The following ATP11A variants were observed in gnomAD, a reference collection of about 807,000 sequenced individuals.
ATP11A encodes phospholipid-transporting ATPase IH.
In ATP11A, 81 loss-of-function variants were observed where a neutral mutation model predicts 154.4. That is an observed-to-expected ratio of 0.52 (90% confidence interval 0.44 to 0.63). The LOEUF (loss-of-function observed/expected upper bound fraction) is 0.63. Among genes scored for constraint, ATP11A ranks in the 30% least tolerant of loss-of-function variants. The probability of loss-of-function intolerance (pLI) is 0.00; values close to 1 mark genes in which losing one functional copy is unlikely to be tolerated. For missense variants in ATP11A, 1,316 were observed against 1,474.3 expected (o/e 0.89, Z 1.76); for synonymous variants, 623 against 585.9 (o/e 1.06, Z -0.91).
At chr13:112,721,666 T>C (rs774172971) in intron 1 of ATP11A, among the ~76,000 whole-genome samples, 8 of 152,196 alleles carry the variant, frequency 5.3e-5, no homozygotes, top group Non-Finnish European at 1.2e-4. Flanking sequence ...CCGGGGTCAG[T>C]TGTGGGACGC....
intron 17 of ATP11A, among the ~76,000 whole-genome samples, chr13:112,847,257 T>C (rs2079635946): frequency 6.6e-6 from 1 of 152,238 alleles, no homozygotes; most frequent in African/African-American, 2.4e-5. Context: ...CAGAGGGGCC[T>C]GTGTGTCCTT....
rs918466606 is a variant in ATP11A, at chr13:112,697,214, TC to T, written c.39+6763del. ...TGGGCTCCGGTGCTGGCCTCTGCCT[TC>T]CCCAGGGCCACGGTGGGCTCCTAGT... On this transcript the variant is annotated intron_variant, in intron 1 of 29. Coordinates refer to ENST00000375645, the MANE Select transcript of ATP11A (RefSeq NM_015205.3). This position sits in a 1 kb window ranked among gnomAD's most constrained non-coding sequence, Gnocchi z 4.0. Among the ~76,000 whole-genome samples, 1 of 152,118 alleles carries T rather than the reference TC, an allele frequency of 6.6e-6. No homozygotes were observed. The highest frequency in any genetic ancestry group is 2.4e-5 in the African/African-American group (1 of 41,418).
At chr13:112,832,690 T>C (rs2079127447) in intron 13 of ATP11A, among the ~76,000 whole-genome samples, 170 bp from the exon 14 acceptor site, 1 of 152,162 alleles carries the variant, frequency 6.6e-6, no homozygotes. Context: ...TTGAGAACGA[T>C]GGAAAGCTGT....
At chr13:112,715,669 T>TA (rs1343512499) in intron 1 of ATP11A, among the ~76,000 whole-genome samples, 2 of 148,900 alleles carry the variant, frequency 1.3e-5, no homozygotes, top group Non-Finnish European at 3.0e-5. Flanking sequence ...ATTAAAATCT[T>TA]ACTTTCTCTG....
intron 1 of ATP11A, among the ~76,000 whole-genome samples, chr13:112,693,641 C>T (rs563553539): frequency 7.8e-4 from 119 of 152,094 alleles, no homozygotes; most frequent in African/African-American, 2.8e-3. Context: ...GTTTGACCTC[C>T]ATGACGTAAC....
In ATP11A at chr13:112,826,712, G is replaced by A. The variant is rs2078943536; in HGVS notation, c.1042G>A (p.Asp348Asn). 3 of 1,614,082 alleles carry A rather than the reference G, an allele frequency of 1.9e-6. No individual in the cohort carries two copies. Among genetic ancestry groups the A allele is most frequent in the Non-Finnish European group, 2.5e-6 (3 of 1,180,054 alleles). ...CTTGCAGTTCCTCAAGGCATTCACG[G>A]ACTTCCTGGCCTTCATGGTCCTCTT... ...QRNLFLKAFTDFLAFMVLFNY... is the reference protein window; with the variant it reads ...QRNLFLKAFTNFLAFMVLFNY... Residue 348 changes from aspartate to asparagine, a missense_variant, in exon 12 of 30, where the codon GAC becomes AAC. This residue lies in a region of ATP11A where 876 missense variants were observed against 1,006.8 expected (regional missense o/e 0.87). Coordinates refer to ENST00000375645, the MANE Select transcript of ATP11A (RefSeq NM_015205.3).
chr13:112,869,791 G>A (rs1031101136), intron 25 of ATP11A, among the ~76,000 whole-genome samples: 2 of 152,250 alleles, frequency 1.3e-5, no homozygotes, highest in Admixed American at 6.5e-5. Context: ...ACATGTGCTT[G>A]TAGGCTGCTG....
intron 28 of ATP11A, among the ~76,000 whole-genome samples, chr13:112,877,895 C>T (rs2080777095): frequency 6.6e-6 from 1 of 152,182 alleles, no homozygotes; most frequent in South Asian, 2.1e-4. Flanking sequence ...CCGTCCCACC[C>T]TTTGTTTAGA....
At chr13:112,693,647 G>T (rs747616305) in intron 1 of ATP11A, among the ~76,000 whole-genome samples, 1 of 152,012 alleles carries the variant, frequency 6.6e-6, no homozygotes, top group African/African-American at 2.4e-5. Flanking sequence ...CCTCCATGAC[G>T]TAACACTTTA....
chr13:112,868,202 G>A (rs2080400154), intron 25 of ATP11A, among the ~76,000 whole-genome samples: 1 of 152,244 alleles, frequency 6.6e-6, no homozygotes, highest in South Asian at 2.1e-4. Flanking sequence ...GATGCGATGA[G>A]AGCAGCTGAA....
In ATP11A at chr13:112,730,904, A is replaced by G. The variant is rs75623003; in HGVS notation, c.39+40449A>G. On this transcript the variant is annotated intron_variant, in intron 1 of 29. Coordinates refer to ENST00000375645, the MANE Select transcript of ATP11A (RefSeq NM_015205.3). ...GTGTGTCTTCGGGCAGCACTTTCTC[A>G]TGGGACAGGTGTTCTTTCCGTAGAC... Among the ~76,000 whole-genome samples, 589 of 152,226 alleles carry G rather than the reference A, an allele frequency of 3.9e-3. 3 individuals are homozygous for G. The highest frequency in any genetic ancestry group is 0.013 in the African/African-American group (554 of 41,516).
intron 1 of ATP11A, among the ~76,000 whole-genome samples, chr13:112,694,387 T>C (rs1458387083): frequency 6.6e-6 from 1 of 152,198 alleles, no homozygotes; most frequent in East Asian, 1.9e-4. Flanking sequence ...CCAGTGCTGC[T>C]GCTCAGCTAC....
intron 16 of ATP11A, among the ~76,000 whole-genome samples, chr13:112,837,126 C>G (rs375395866): frequency 2.0e-5 from 3 of 152,190 alleles, no homozygotes; most frequent in Admixed American, 2.0e-4. Context: ...AGGCAGGGCC[C>G]GTGGGCTCCG....
intron 24 of ATP11A, among the ~76,000 whole-genome samples, chr13:112,861,398 C>T (rs2080099426): frequency 6.6e-6 from 1 of 152,248 alleles, no homozygotes; most frequent in Non-Finnish European, 1.5e-5. Flanking sequence ...TGGTGACACG[C>T]AAGAAACTGC....
chr13:112,874,182 C>CT (rs1347297399), intron 27 of ATP11A, among the ~76,000 whole-genome samples: 1 of 152,210 alleles, frequency 6.6e-6, no homozygotes, highest in Non-Finnish European at 1.5e-5. Flanking sequence ...AGCAGCCTGA[C>CT]TCATCGGGGA....
chr13:112,701,806 C>T (rs1465206203), intron 1 of ATP11A, among the ~76,000 whole-genome samples: 1 of 152,120 alleles, frequency 6.6e-6, no homozygotes, highest in Non-Finnish European at 1.5e-5. Context: ...GCACTCCAGC[C>T]TGGGCGACAG....
chr13:112,711,672 A>G (rs1360748446), intron 1 of ATP11A, among the ~76,000 whole-genome samples: 1 of 152,168 alleles, frequency 6.6e-6, no homozygotes, highest in Non-Finnish European at 1.5e-5. Flanking sequence ...AGGGCTTTGG[A>G]CCGGGCAAGA....
rs2080942253 is a variant in ATP11A at position 112,884,455 on chromosome 13, C to G, written c.*2589C>G. The G allele has an allele frequency of 6.6e-6, 1 of 152,310 alleles. No individual in the cohort carries two copies. The highest frequency in any genetic ancestry group is 2.1e-4 in the South Asian group (1 of 4,822). 9.4% of individuals were successfully genotyped at this position (152,310 alleles called of 1,614,324 possible). A position where few individuals can be genotyped will look rare whatever the true frequency, so the allele number is the denominator to read the frequency against. ...CTCCCAAACGTCTTTTTAAAAATTG[C>G]TTGGGAAATTATTAAATGAATGTGC... is the stretch of plus-strand genomic sequence containing the variant. On this transcript the variant is annotated 3_prime_UTR_variant, in exon 30 of 30. Transcript: ENST00000375645.
intron 1 of ATP11A, among the ~76,000 whole-genome samples, chr13:112,743,417 G>C (rs1891756947): frequency 7.1e-6 from 1 of 141,694 alleles, no homozygotes; most frequent in Non-Finnish European, 1.5e-5. Context: ...GCAGGTTCCT[G>C]CTAGCACTGA....
Sources: allele counts gnomAD v4.1 joint callset (sites outside exome capture counted in the v4.1 genomes callset), GRCh38; gene constraint gnomAD v4.1.1; regional missense constraint gnomAD v4.1.1; non-coding constraint Gnocchi (gnomAD v3.1); transcripts MANE v1.5; gene names NCBI Gene and HGNC (gene_info 2026-07-23, HGNC 2026-07-21).